Variants in HSD17B12 observed in about 807,000 individuals in gnomAD.
HSD17B12 encodes the protein hydroxysteroid 17-beta dehydrogenase 12.
Under a neutral mutation model 39.3 loss-of-function variants are expected in HSD17B12, and 32 were observed. That is an observed-to-expected ratio of 0.81 (90% CI 0.61 to 1.09). HSD17B12 has a LOEUF of 1.09. Among genes scored for constraint, HSD17B12 ranks in the 50% least tolerant of loss-of-function variants. The pLI is 0.00. For missense variants in HSD17B12, 342 were observed against 382.9 expected (o/e 0.89, Z 0.89); for synonymous variants, 150 against 146.7 (o/e 1.02, Z -0.16).
chr11:43,641,070 G>C, the HSD17B12 span: 1 of 151,764 alleles, frequency 6.6e-6, no homozygotes, highest in African/African-American at 2.4e-5. Context: ...TCCATGGGTT[G>C]AAAAGAGCAT....
At chr11:43,558,764 G>A in the HSD17B12 span, among the ~76,000 whole-genome samples, 1 of 152,048 alleles carries the variant, frequency 6.6e-6, no homozygotes, top group African/African-American at 2.4e-5. Flanking sequence ...GTGCGGGGGC[G>A]GAGGGGTGCA....
intron 1 of HSD17B12, among the ~76,000 whole-genome samples, chr11:43,716,376 A>G (rs187338974): frequency 6.6e-6 from 1 of 152,226 alleles, no homozygotes; most frequent in Admixed American, 6.5e-5. Flanking sequence ...CTCTGAGGGT[A>G]AACTTGGGTA....
chr11:43,597,924 C>T, the HSD17B12 span, among the ~76,000 whole-genome samples: 1 of 152,210 alleles, frequency 6.6e-6, no homozygotes, highest in African/African-American at 2.4e-5. Context: ...CATCAGCCAC[C>T]GCGCCCAGCC....
chr11:43,801,119 A>G (rs1437759247), intron 4 of HSD17B12, among the ~76,000 whole-genome samples: 2 of 152,176 alleles, frequency 1.3e-5, no homozygotes, highest in East Asian at 3.9e-4. Context: ...AGCCTGGGTG[A>G]CAAAGTGAGA....
At chr11:43,776,332 G>A (rs1424715043) in intron 3 of HSD17B12, among the ~76,000 whole-genome samples, 2 of 152,018 alleles carry the variant, frequency 1.3e-5, no homozygotes, top group Non-Finnish European at 2.9e-5. Context: ...TTGTGGTTTT[G>A]ATTTACATTT....
At chr11:43,795,971 A>G (rs1454676073) in intron 3 of HSD17B12, among the ~76,000 whole-genome samples, 1 of 152,080 alleles carries the variant, frequency 6.6e-6, no homozygotes, top group Non-Finnish European at 1.5e-5. Context: ...AGAAGGTAAC[A>G]TTTGCTCAAG....
chr11:43,680,979 A>G lies in HSD17B12; in HGVS notation c.152A>G (p.Glu51Gly). Residue 51 changes from glutamate to glycine, a missense_variant, in exon 1 of 11, where the codon GAA (glutamate) becomes GGA (glycine). Transcript: ENST00000278353. ...NEAGVGPGLGEWAVVTGSTDG... is the reference protein window; with the variant it reads ...NEAGVGPGLGGWAVVTGSTDG... ...GCGGGGGTCGGCCCGGGGCTCGGAG[A>G]ATGGGCAGGTGAGTCGGATGCAGCG... 6.2e-7 allele frequency: 1 copy of G among 1,603,230 alleles called. No homozygotes were observed. Among genetic ancestry groups the G allele is most frequent in the East Asian group, 2.2e-5 (1 of 44,454 alleles).
At chr11:43,775,225 C>G (rs1336169053) in intron 3 of HSD17B12, among the ~76,000 whole-genome samples, 1 of 152,160 alleles carries the variant, frequency 6.6e-6, no homozygotes, top group Admixed American at 6.6e-5. Context: ...AGATGAAATC[C>G]TAGCCTGATG....
chr11:43,602,139 C>T, the HSD17B12 span, among the ~76,000 whole-genome samples: 1 of 152,216 alleles, frequency 6.6e-6, no homozygotes, highest in Admixed American at 6.5e-5. Flanking sequence ...TCACTTCCAT[C>T]TGTCTTGCTT....
intron 4 of HSD17B12, among the ~76,000 whole-genome samples, chr11:43,799,044 A>G (rs1359361430): frequency 1.3e-5 from 2 of 152,126 alleles, no homozygotes; most frequent in South Asian, 2.1e-4. Flanking sequence ...ATAATCCTTT[A>G]AAGTGGATGG....
the HSD17B12 span, chr11:43,644,905 A>G: frequency 3.9e-5 from 6 of 152,332 alleles, no homozygotes; most frequent in African/African-American, 9.6e-5. Flanking sequence ...GTGTTCCTAA[A>G]TCTTGGGAGC....
intron 1 of HSD17B12, among the ~76,000 whole-genome samples, chr11:43,711,280 G>C (rs1950062832): frequency 6.6e-6 from 1 of 152,116 alleles, no homozygotes; most frequent in Non-Finnish European, 1.5e-5. Flanking sequence ...TACTGGATTA[G>C]TGTATCATTT....
At chr11:43,768,996 A>C (rs560238652) in intron 3 of HSD17B12, among the ~76,000 whole-genome samples, 1 of 152,192 alleles carries the variant, frequency 6.6e-6, no homozygotes, top group South Asian at 2.1e-4. Flanking sequence ...CGAAGTCCCC[A>C]CCAGACTCAG....
intron 1 of HSD17B12, among the ~76,000 whole-genome samples, chr11:43,730,689 C>T (rs1306673847): frequency 6.6e-6 from 1 of 152,160 alleles, no homozygotes; most frequent in East Asian, 1.9e-4. Flanking sequence ...TCAGGCATGA[C>T]AAGTAGATTT....
intron 7 of HSD17B12, among the ~76,000 whole-genome samples, chr11:43,832,297 T>C (rs1435933187): frequency 6.6e-6 from 1 of 152,160 alleles, no homozygotes; most frequent in Non-Finnish European, 1.5e-5. Context: ...GGTAACATGG[T>C]ATTGGTTCAG....
the HSD17B12 span, among the ~76,000 whole-genome samples, chr11:43,573,967 G>A: frequency 7.2e-5 from 11 of 152,298 alleles, no homozygotes; most frequent in South Asian, 4.1e-4. Flanking sequence ...AACCAGGGCC[G>A]CCTCCCTCTC....
chr11:43,709,020 AAGC>A (rs1950040767), intron 1 of HSD17B12, among the ~76,000 whole-genome samples: 1 of 152,240 alleles, frequency 6.6e-6, no homozygotes, highest in African/African-American at 2.4e-5. Context: ...CTCAGGTAAG[AAGC>A]AGCAGAGAGG....
chr11:43,632,721 A>G, the HSD17B12 span, among the ~76,000 whole-genome samples: 1 of 152,220 alleles, frequency 6.6e-6, no homozygotes, highest in African/African-American at 2.4e-5. Context: ...TGTTGACTCT[A>G]TAAACGATTC....
chr11:43,698,536 A>G (rs1949933691), intron 1 of HSD17B12, among the ~76,000 whole-genome samples: 1 of 152,250 alleles, frequency 6.6e-6, no homozygotes, highest in Admixed American at 6.5e-5. Context: ...GGCAGAAAGT[A>G]TAGTGGAAAG....
Sources: allele counts gnomAD v4.1 joint callset (sites outside exome capture counted in the v4.1 genomes callset), GRCh38; gene constraint gnomAD v4.1.1; transcripts MANE v1.5; gene names NCBI Gene and HGNC (gene_info 2026-07-23, HGNC 2026-07-21).